Variants in REEP3 observed in about 807,000 individuals in gnomAD.
REEP3 encodes receptor expression-enhancing protein 3.
REEP3 carries 20 observed loss-of-function variants against 41.3 expected under a neutral mutation model. The observed-to-expected ratio is 0.48, with a 90% CI of 0.34 to 0.70. REEP3 has a LOEUF of 0.70. Ranked by LOEUF, REEP3 falls within the 30% of genes least tolerant of loss-of-function variation. The pLI, the probability that REEP3 is intolerant of heterozygous loss-of-function variation, is 0.01. For synonymous variants in REEP3, 104 were observed against 101.8 expected (o/e 1.02, Z -0.13); for missense variants, 271 against 308.8 (o/e 0.88, Z 0.92).
chr10:63,607,881 T>C (rs546590012), intron 5 of REEP3, among the ~76,000 whole-genome samples: 1 of 152,366 alleles, frequency 6.6e-6, no homozygotes, highest in East Asian at 1.9e-4. Context: ...GATATAATTA[T>C]AAAGCTAGAC....
chr10:63,580,159 G>T (rs1001891284), intron 2 of REEP3, among the ~76,000 whole-genome samples: 3 of 151,948 alleles, frequency 2.0e-5, no homozygotes, highest in Non-Finnish European at 4.4e-5. Flanking sequence ...GAGGTGGGGG[G>T]GTGGTATTGC....
intron 1 of REEP3, among the ~76,000 whole-genome samples, chr10:63,541,892 A>G (rs1209122295): frequency 6.6e-6 from 1 of 152,220 alleles, no homozygotes; most frequent in Non-Finnish European, 1.5e-5. Context: ...TTATGAAATT[A>G]TAACAACTTT....
chr10:63,558,288 G>A (rs562076707), intron 1 of REEP3, among the ~76,000 whole-genome samples: 2 of 152,328 alleles, frequency 1.3e-5, no homozygotes, highest in South Asian at 4.1e-4. Flanking sequence ...TTATGGTGCT[G>A]TGTTGACAAG....
At chr10:63,562,406 C>T (rs1253071761) in intron 1 of REEP3, among the ~76,000 whole-genome samples, 1 of 152,020 alleles carries the variant, frequency 6.6e-6, no homozygotes. Context: ...TACAGGCATG[C>T]ATCACCATGC....
intron 1 of REEP3, among the ~76,000 whole-genome samples, chr10:63,533,920 C>G (rs1039866443): frequency 2.4e-4 from 36 of 151,864 alleles, no homozygotes; most frequent in African/African-American, 7.5e-4. Flanking sequence ...GTTGGCCGGG[C>G]TGGTCTCAAA....
chr10:63,588,004 G>A (rs1389766406), intron 2 of REEP3, among the ~76,000 whole-genome samples: 1 of 152,148 alleles, frequency 6.6e-6, no homozygotes, highest in African/African-American at 2.4e-5. Context: ...GGCACCATTG[G>A]TCATAGTCTG....
At position 63,545,680 on chromosome 10, in the gene REEP3, G is replaced by GTTTTTT. The variant is rs55779021; in HGVS notation, c.33-20638_33-20633dup. On this transcript the variant is annotated intron_variant, in intron 1 of 7. Transcript: ENST00000373758. ...GAGCCACTGCGCCTGGCCAACTTCTGTTTTTTTTTTTTTTTTTTTTTTTTT... is the reference window on the plus strand; with the variant it reads ...GAGCCACTGCGCCTGGCCAACTTCTGTTTTTTTTTTTTTTTTTTTTTTTTTTTTTTT... Among the ~76,000 whole-genome samples the GTTTTTT allele has an allele frequency of 7.9e-4, 44 of 55,412 alleles. 1 individual carries two copies. The highest frequency in any genetic ancestry group is 1.2e-3 in the Admixed American group (4 of 3,362). 36.4% of individuals were successfully genotyped at this position (55,412 alleles called of 152,430 possible).
intron 2 of REEP3, among the ~76,000 whole-genome samples, chr10:63,569,478 CTT>C (rs11386416): frequency 6.9e-6 from 1 of 145,860 alleles, no homozygotes. Context: ...CCCAAATCTG[CTT>C]TTTTTTTTTT....
chr10:63,586,557 C>A (rs1239642089), intron 2 of REEP3, among the ~76,000 whole-genome samples: 1 of 152,006 alleles, frequency 6.6e-6, no homozygotes, highest in Non-Finnish European at 1.5e-5. Flanking sequence ...AGGTAAAGTG[C>A]TCCAGTAGTG....
At chr10:63,586,262 T>C (rs1956005868) in intron 2 of REEP3, among the ~76,000 whole-genome samples, 1 of 152,208 alleles carries the variant, frequency 6.6e-6, no homozygotes, top group African/African-American at 2.4e-5. Context: ...AAAAGCCTTA[T>C]GGATTTGAGT....
intron 2 of REEP3, among the ~76,000 whole-genome samples, chr10:63,578,849 A>T (rs1347626710): frequency 6.6e-6 from 1 of 152,168 alleles, no homozygotes; most frequent in Non-Finnish European, 1.5e-5. Context: ...TTAACATTTA[A>T]TTGTAGCTGA....
chr10:63,575,277 C>G (rs1307448409), intron 2 of REEP3, among the ~76,000 whole-genome samples: 1 of 152,150 alleles, frequency 6.6e-6, no homozygotes, highest in Non-Finnish European at 1.5e-5. Context: ...CATTATGATT[C>G]TTACCTGTTT....
chr10:63,612,442 G>A (rs1956283415), intron 6 of REEP3, among the ~76,000 whole-genome samples: 1 of 152,066 alleles, frequency 6.6e-6, no homozygotes, highest in African/African-American at 2.4e-5. Context: ...AGAGTGCTGT[G>A]TGGGATTACA....
At chr10:63,549,440 C>T (rs959432687) in intron 1 of REEP3, among the ~76,000 whole-genome samples, 7 of 152,128 alleles carry the variant, frequency 4.6e-5, no homozygotes, top group Admixed American at 2.6e-4. Context: ...TGGTGGCCCT[C>T]GCCTGTCATC....
intron 2 of REEP3, among the ~76,000 whole-genome samples, chr10:63,578,102 T>C (rs1955913302): frequency 6.6e-6 from 1 of 152,118 alleles, no homozygotes; most frequent in South Asian, 2.1e-4. Context: ...TATTTATGTA[T>C]GTATTTATTT....
intron 1 of REEP3, among the ~76,000 whole-genome samples, chr10:63,548,422 A>C (rs1047036897): frequency 6.6e-6 from 1 of 152,200 alleles, no homozygotes; most frequent in Non-Finnish European, 1.5e-5. Flanking sequence ...CTATTCTTGA[A>C]CATGCAATTA....
chr10:63,612,572 C>T (rs1241133791), intron 6 of REEP3, among the ~76,000 whole-genome samples: 1 of 152,020 alleles, frequency 6.6e-6, no homozygotes, highest in African/African-American at 2.4e-5. Context: ...AGGCAGATTC[C>T]CTGAGGTTAG....
chr10:63,527,634 G>A (rs1290924637), intron 1 of REEP3, among the ~76,000 whole-genome samples: 1 of 151,894 alleles, frequency 6.6e-6, no homozygotes, highest in African/African-American at 2.4e-5. Context: ...TGAGCCATGA[G>A]CATGCCACTG....
At chr10:63,616,992 A>G (rs1300798296) in intron 6 of REEP3, among the ~76,000 whole-genome samples, 2 of 152,098 alleles carry the variant, frequency 1.3e-5, no homozygotes, top group Admixed American at 6.6e-5. Context: ...TTGTTTCTAT[A>G]TGTACATTTT....
Sources: gnomAD v4.1 joint callset for allele counts (sites outside exome capture counted in the v4.1 genomes callset) on GRCh38, gnomAD v4.1.1 for gene constraint, MANE v1.5 for transcripts, NCBI Gene and HGNC (gene_info 2026-07-23, HGNC 2026-07-21) for gene names.